The following DUSP16 variants were observed in gnomAD, a reference collection of about 807,000 sequenced individuals.
The protein encoded by DUSP16 is dual specificity phosphatase 16.
DUSP16 carries 21 observed loss-of-function variants against 58.3 expected under a neutral mutation model. The observed-to-expected ratio is 0.36, with a 90% CI of 0.26 to 0.52. The LOEUF (loss-of-function observed/expected upper bound fraction) is 0.52, where lower values mean the gene tolerates loss of function less well. Ranked by LOEUF, DUSP16 falls within the 20% of genes least tolerant of loss-of-function variation. The pLI is 0.94. For missense variants in DUSP16, 726 were observed against 819.0 expected (o/e 0.89, Z 1.39); for synonymous variants, 320 against 323.8 (o/e 0.99, Z 0.12).
chr12:12,509,579 C>T (rs967194970), intron 3 of DUSP16, among the ~76,000 whole-genome samples: 3 of 152,090 alleles, frequency 2.0e-5, no homozygotes, highest in African/African-American at 7.2e-5. Flanking sequence ...GCAGTACCTA[C>T]CACTGACCTA....
At chr12:12,541,516 A>AC (rs1944560046) in intron 1 of DUSP16, among the ~76,000 whole-genome samples, 1 of 152,248 alleles carries the variant, frequency 6.6e-6, no homozygotes, top group South Asian at 2.1e-4. Context: ...CCAGTAAGGT[A>AC]GGTAAATGGC....
intron 5 of DUSP16, 28 bp downstream of exon 5, chr12:12,487,000 G>A: frequency 6.2e-7 from 1 of 1,612,166 alleles, no homozygotes; most frequent in Non-Finnish European, 8.5e-7. Flanking sequence ...TCACCCACAG[G>A]ACCTGCAATA....
intron 3 of DUSP16, among the ~76,000 whole-genome samples, chr12:12,517,989 T>C (rs1282289330): frequency 6.6e-6 from 1 of 152,122 alleles, no homozygotes; most frequent in Non-Finnish European, 1.5e-5. Context: ...CTACACAGGA[T>C]AGATTAAGAA....
rs748842953 is a variant in DUSP16, at chr12:12,477,547, T to C, written c.1284A>G (p.Glu428=). The C allele has an allele frequency of 5.0e-6, 8 of 1,611,428 alleles. No individual in the cohort carries two copies. The highest frequency in any genetic ancestry group is 1.7e-5 in the Admixed American group (1 of 59,860). Residue 428 remains glutamate (E), a synonymous_variant, in exon 7 of 7, where the codon GAA becomes GAG. Transcript: ENST00000298573. The surrounding 1 kb of genome is among the most constrained non-coding windows in gnomAD (Gnocchi z 4.1). ...HGFSSSEDAL[E]YYKPSTTLDG... The stretch of plus-strand genomic sequence containing the variant: ...CCAGAGTAGTGGAAGGTTTGTAGTA[T>C]TCCAAAGCATCTTCTGATGAGGAGA...
chr12:12,507,220 T>TA (rs1165896016), intron 3 of DUSP16, among the ~76,000 whole-genome samples: 1 of 152,240 alleles, frequency 6.6e-6, no homozygotes, highest in Non-Finnish European at 1.5e-5. Context: ...TACTGTGGCT[T>TA]ACTGATATTC....
chr12:12,530,009 C>T (rs1191498237), intron 1 of DUSP16, among the ~76,000 whole-genome samples: 1 of 152,166 alleles, frequency 6.6e-6, no homozygotes, highest in African/African-American at 2.4e-5. Flanking sequence ...GGTATGCAAA[C>T]ATCTCATTTT....
chr12:12,480,284 C>T lies in DUSP16; in HGVS notation c.754G>A (p.Ala252Thr), dbSNP rs756346269. 2.5e-6 allele frequency: 4 copies of T among 1,614,166 alleles called. No homozygotes were observed. Among genetic ancestry groups the T allele is most frequent in the Admixed American group, 1.7e-5 (1 of 60,026 alleles). ...ATGATGTAGGCGATAGCGATGGTGGCGGAGCGGGAGATCCCAGCTAAACAG... is the reference window on the plus strand; with the variant it reads ...ATGATGTAGGCGATAGCGATGGTGGTGGAGCGGGAGATCCCAGCTAAACAG... ...VHCLAGISRS[A>T]TIAIAYIMKR... Residue 252 changes from alanine to threonine, a missense_variant, in exon 6 of 7, where the codon GCC becomes ACC. Ala to Thr is a moderately conservative substitution (Grantham distance 58). Coordinates refer to ENST00000298573, the MANE Select transcript of DUSP16 (RefSeq NM_030640.3).
chr12:12,532,016 G>A (rs1256985047), intron 1 of DUSP16, among the ~76,000 whole-genome samples: 1 of 151,998 alleles, frequency 6.6e-6, no homozygotes, highest in African/African-American at 2.4e-5. Flanking sequence ...AAATTAGCCG[G>A]GCGCGGTGGC....
chr12:12,524,054 G>C (rs1280912627), intron 1 of DUSP16, among the ~76,000 whole-genome samples: 1 of 152,216 alleles, frequency 6.6e-6, no homozygotes, highest in African/African-American at 2.4e-5. Context: ...AAAGGAGGGA[G>C]AAGTCAGCAA....
At position 12,477,373 on chromosome 12, in the gene DUSP16, C is replaced by G. The variant is rs761479105; in HGVS notation, c.1458G>C (p.Ser486=). 1 of 1,613,724 alleles carries G rather than the reference C, an allele frequency of 6.2e-7. No homozygotes were observed. Among genetic ancestry groups the G allele is most frequent in the Non-Finnish European group, 8.5e-7 (1 of 1,179,776 alleles). Residue 486 remains serine (S), a synonymous_variant, in exon 7 of 7, where the codon TCG becomes TCC. Coordinates refer to ENST00000298573, the MANE Select transcript of DUSP16 (RefSeq NM_030640.3). This position sits in a 1 kb window ranked among gnomAD's most constrained non-coding sequence, Gnocchi z 4.1. ...PSDSQSKRLH[S]VRTSSSGTAQ... is the part of the protein sequence containing the mutation. The stretch of plus-strand genomic sequence containing the variant: ...CGGTGCCACTGCTGCTGGTTCTGAC[C>G]GAATGCAATCGCTTGCTCTGGCTGT...
In DUSP16 at chr12:12,475,539, T is replaced by G. The variant is rs1310606472; in HGVS notation, c.*1294A>C. 1 of 152,256 alleles carries G rather than the reference T, an allele frequency of 6.6e-6. No individual in the cohort carries two copies. Among genetic ancestry groups the G allele is most frequent in the Non-Finnish European group, 1.5e-5 (1 of 68,054 alleles). The allele number at this position is 152,256 out of a possible 1,614,324, so 9.4% of individuals were successfully genotyped here. Reference sequence around the variant, plus strand: ...CACAACTGATCAAAACTCAATGGTCTTCTCAGCTTTCTCAACCGTTTTATT... The same window carrying G: ...CACAACTGATCAAAACTCAATGGTCGTCTCAGCTTTCTCAACCGTTTTATT... On this transcript the variant is annotated 3_prime_UTR_variant, in exon 7 of 7. Coordinates refer to ENST00000298573, the MANE Select transcript of DUSP16 (RefSeq NM_030640.3).
At chr12:12,540,944 CTTTTCTTTTTTTTTTT>C (rs1944547000) in intron 1 of DUSP16, among the ~76,000 whole-genome samples, 2 of 100,682 alleles carry the variant, frequency 2.0e-5, no homozygotes, top group South Asian at 3.2e-4. Flanking sequence ...CTTTTCTTTT[CTTTTCTTTTTTTTTTT>C]TTTTTTTTTT....
intron 3 of DUSP16, among the ~76,000 whole-genome samples, chr12:12,514,896 T>A (rs892311238): frequency 6.6e-6 from 1 of 152,162 alleles, no homozygotes; most frequent in Non-Finnish European, 1.5e-5. Flanking sequence ...TGAGCTCAAG[T>A]GATCCTCCTG....
Position 12,520,014 on chromosome 12 carries a change from A to G in DUSP16, c.229-14T>C, listed in dbSNP as rs773669000. ...ATCAATGTCAACCTGAAATGCAAAC[A>G]TGAGGCTTGTTAGGAAGAAGGTGAG... On this transcript the variant is annotated splice_polypyrimidine_tract_variant and intron_variant, in intron 2 of 6. Coordinates refer to ENST00000298573, the MANE Select transcript of DUSP16 (RefSeq NM_030640.3). 1 of 1,614,002 alleles carries G rather than the reference A, an allele frequency of 6.2e-7. No homozygotes were observed. The highest frequency in any genetic ancestry group is 1.7e-5 in the Admixed American group (1 of 60,024).
chr12:12,497,972 G>GAAACA lies in DUSP16; in HGVS notation c.531+2542_531+2546dup, dbSNP rs34317999. On this transcript the variant is annotated intron_variant, in intron 4 of 6. Coordinates refer to ENST00000298573, the MANE Select transcript of DUSP16 (RefSeq NM_030640.3). ...TGACAGGGCAAGACTCCATCTCAAA[G>GAAACA]AAACAAAACAAAACAAAACAAAACA... 3.9e-3 allele frequency among the ~76,000 whole-genome samples: 587 copies of GAAACA among 150,870 alleles called. 3 individuals carry two copies. The highest frequency in any genetic ancestry group is 0.012 in the African/African-American group (509 of 41,156).
At chr12:12,549,442 G>A (rs565053502) in intron 1 of DUSP16, among the ~76,000 whole-genome samples, 1 of 152,056 alleles carries the variant, frequency 6.6e-6, no homozygotes, top group South Asian at 2.1e-4. Flanking sequence ...GTCTTCCTCC[G>A]TGCCCTCCAT....
At chr12:12,504,706 A>G (rs1943962988) in intron 3 of DUSP16, among the ~76,000 whole-genome samples, 2 of 139,028 alleles carry the variant, frequency 1.4e-5, no homozygotes, top group African/African-American at 5.1e-5. Context: ...AAAAAAAAAA[A>G]AAAAAAGAAA....
Position 12,562,685 on chromosome 12 carries a change from T to C in DUSP16, c.-934A>G, listed in dbSNP as rs757491362. ...GTCACTTGAAACCAATCCCAGTGAA[T>C]GAACTCAGCGGAGCCCCGGGGAAAG... On this transcript the variant is annotated 5_prime_UTR_variant, in exon 1 of 7. Transcript: ENST00000298573. Among the ~76,000 whole-genome samples the C allele has an allele frequency of 3.3e-5, 5 of 151,780 alleles. No homozygotes were observed. Among genetic ancestry groups the C allele is most frequent in the Admixed American group, 1.3e-4 (2 of 15,268 alleles).
chr12:12,556,428 C>T (rs775692867), intron 1 of DUSP16, among the ~76,000 whole-genome samples: 15 of 151,822 alleles, frequency 9.9e-5, no homozygotes, highest in African/African-American at 2.2e-4. Context: ...AATAATTAGC[C>T]GGGTGTGGTG....
Sources: gnomAD v4.1 joint callset for allele counts (sites outside exome capture counted in the v4.1 genomes callset) on GRCh38, gnomAD v4.1.1 for gene constraint, Gnocchi (gnomAD v3.1) non-coding constraint, MANE v1.5 for transcripts, NCBI Gene and HGNC (gene_info 2026-07-23, HGNC 2026-07-21) for gene names.